ARMH3: variants seen among roughly 807,000 people sequenced by gnomAD.
ARMH3 encodes armadillo-like helical domain-containing protein 3.
In ARMH3, 60 loss-of-function variants were observed where a neutral mutation model predicts 99.1. The observed-to-expected ratio is 0.61, with a 90% CI of 0.49 to 0.75. The LOEUF (loss-of-function observed/expected upper bound fraction) is 0.75, where lower values mean the gene tolerates loss of function less well. Among genes scored for constraint, ARMH3 ranks in the 30% least tolerant of loss-of-function variants. The pLI is 0.00. For synonymous variants in ARMH3, 285 were observed against 292.8 expected (o/e 0.97, Z 0.27); for missense variants, 679 against 843.1 (o/e 0.81, Z 2.41).
chr10:102,017,102 T>C (rs945875145), intron 8 of ARMH3, among the ~76,000 whole-genome samples: 1 of 152,192 alleles, frequency 6.6e-6, no homozygotes, highest in Non-Finnish European at 1.5e-5. Context: ...GGTCATGAGA[T>C]TGATTGTACT....
rs190866551 is a variant in ARMH3 at position 101,871,863 on chromosome 10, T to C, written c.1860+17549A>G. Among the ~76,000 whole-genome samples, 635 of 152,036 alleles carry C rather than the reference T, an allele frequency of 4.2e-3. 7 individuals carry two copies. Among genetic ancestry groups the C allele is most frequent in the African/African-American group, 0.015 (603 of 41,430 alleles). ...TAAATATACAAAAATTAGCTGGGTG[T>C]GGTGGTGCACGCTTGTAATCCCAGC... On this transcript the variant is annotated intron_variant, in intron 24 of 25. Coordinates refer to ENST00000370033, the MANE Select transcript of ARMH3 (RefSeq NM_024541.3).
chr10:101,895,623 G>C (rs1244363691), intron 23 of ARMH3, among the ~76,000 whole-genome samples: 1 of 152,028 alleles, frequency 6.6e-6, no homozygotes, highest in African/African-American at 2.4e-5. Context: ...CATGACTTGA[G>C]GTCAGGCAGT....
rs556722397 is a variant in ARMH3, at chr10:101,872,396, C to A, written c.1860+17016G>T. 3.9e-5 allele frequency among the ~76,000 whole-genome samples: 6 copies of A among 152,092 alleles called. No homozygotes were observed. In the East Asian group the frequency reaches 1.2e-3, roughly 29 times the overall value. ...CTTCACAAAAGAAGATATATAATGG[C>A]CACATAAAAAGCTGCTCTAGCCGGG... On this transcript the variant is annotated intron_variant, in intron 24 of 25. Coordinates refer to ENST00000370033, the MANE Select transcript of ARMH3 (RefSeq NM_024541.3).
At chr10:102,030,066 G>A (rs187318779) in intron 4 of ARMH3, among the ~76,000 whole-genome samples, 2 of 152,058 alleles carry the variant, frequency 1.3e-5, no homozygotes, top group East Asian at 1.9e-4. Context: ...GATGACAGGT[G>A]TGCTCCACCA....
chr10:101,848,651 C>G (rs1219973359), intron 25 of ARMH3, among the ~76,000 whole-genome samples: 1 of 152,158 alleles, frequency 6.6e-6, no homozygotes, highest in African/African-American at 2.4e-5. Flanking sequence ...TAGCTCCAAA[C>G]TGGACCAGAC....
In ARMH3 at chr10:102,033,150, C is replaced by T. The variant is rs1193550928; in HGVS notation, c.182G>A (p.Gly61Asp). 4.3e-6 allele frequency: 7 copies of T among 1,614,206 alleles called. No homozygotes were observed. Among genetic ancestry groups the T allele is most frequent in the African/African-American group, 1.3e-5 (1 of 75,062 alleles). Residue 61 changes from glycine to aspartate, a missense_variant, in exon 4 of 26, where the codon GGC (glycine) becomes GAC (aspartate). By Grantham distance (94) the Gly-to-Asp change is moderately conservative. Coordinates refer to ENST00000370033, the MANE Select transcript of ARMH3 (RefSeq NM_024541.3). ...LMKVNLEYLE[G>D]KLESLDGEEL... Reference sequence around the variant, plus strand: ...CTCACCATCAAGAGATTCCAGCTTGCCTTCTAGGTACTCTAAATTCACCTG... The same window carrying T: ...CTCACCATCAAGAGATTCCAGCTTGTCTTCTAGGTACTCTAAATTCACCTG...
chr10:101,892,084 C>A (rs568596576), intron 23 of ARMH3, among the ~76,000 whole-genome samples: 1 of 152,040 alleles, frequency 6.6e-6, no homozygotes. Flanking sequence ...TGCACTCCAG[C>A]CTGGGTGACA....
chr10:101,940,898 C>A (rs928033850), intron 22 of ARMH3, among the ~76,000 whole-genome samples: 1 of 152,182 alleles, frequency 6.6e-6, no homozygotes, highest in Admixed American at 6.5e-5. Flanking sequence ...AGAGACAAAA[C>A]AGCACAAGTG....
chr10:102,006,840 T>C (rs2066502688), intron 13 of ARMH3, among the ~76,000 whole-genome samples: 1 of 152,044 alleles, frequency 6.6e-6, no homozygotes, highest in Admixed American at 6.6e-5. Context: ...GGACTACAGA[T>C]GCATGCCACT....
intron 24 of ARMH3, among the ~76,000 whole-genome samples, chr10:101,880,379 C>G (rs2067382097): frequency 6.6e-6 from 1 of 152,150 alleles, no homozygotes; most frequent in Non-Finnish European, 1.5e-5. Flanking sequence ...CTGGGGAAAA[C>G]TTTTACTTAG....
chr10:101,998,223 C>T (rs886071840), intron 15 of ARMH3, among the ~76,000 whole-genome samples: 1 of 152,170 alleles, frequency 6.6e-6, no homozygotes, highest in African/African-American at 2.4e-5. Flanking sequence ...TTCTAGGTCA[C>T]ATCCATGCAG....
At chr10:101,851,337 T>A (rs1051655838) in intron 24 of ARMH3, among the ~76,000 whole-genome samples, 21 of 151,998 alleles carry the variant, frequency 1.4e-4, no homozygotes, top group African/African-American at 5.1e-4. Context: ...AAATCAGAAG[T>A]GAGCTAGGAA....
chr10:101,938,210 G>A (rs777328098), intron 23 of ARMH3, among the ~76,000 whole-genome samples: 11 of 152,076 alleles, frequency 7.2e-5, no homozygotes, highest in Non-Finnish European at 1.5e-4. Flanking sequence ...TACTGAGTCC[G>A]GTTATTAGCA....
intron 24 of ARMH3, among the ~76,000 whole-genome samples, chr10:101,863,394 T>TC (rs1431667510): frequency 2.0e-5 from 3 of 152,064 alleles, no homozygotes; most frequent in Admixed American, 6.5e-5. Flanking sequence ...TTTCAAAACT[T>TC]TGAATGAAAC....
intron 15 of ARMH3, among the ~76,000 whole-genome samples, chr10:101,996,460 G>C (rs1847059944): frequency 6.6e-6 from 1 of 152,126 alleles, no homozygotes; most frequent in African/African-American, 2.4e-5. Flanking sequence ...AATGCAAAAA[G>C]AGTAATGGTG....
intron 15 of ARMH3, among the ~76,000 whole-genome samples, chr10:101,997,469 G>A (rs1159651559): frequency 1.3e-5 from 2 of 152,060 alleles, no homozygotes; most frequent in East Asian, 1.9e-4. Context: ...GCGCAAGCCT[G>A]TAATTCCAGC....
intron 1 of ARMH3, among the ~76,000 whole-genome samples, chr10:102,042,918 C>T (rs1220418329): frequency 6.6e-6 from 1 of 152,094 alleles, no homozygotes; most frequent in Non-Finnish European, 1.5e-5. Context: ...ACTAAAAATA[C>T]AAAATTAGCC....
At chr10:101,965,443 C>A (rs928939556) in intron 20 of ARMH3, among the ~76,000 whole-genome samples, 4 of 152,164 alleles carry the variant, frequency 2.6e-5, no homozygotes, top group Non-Finnish European at 5.9e-5. Flanking sequence ...TCAAAATGAA[C>A]CCCGGGCAGC....
chr10:102,052,955 C>G (rs2067742544), intron 1 of ARMH3, among the ~76,000 whole-genome samples: 1 of 152,030 alleles, frequency 6.6e-6, no homozygotes, highest in Non-Finnish European at 1.5e-5. Flanking sequence ...TCTACTTTTT[C>G]TAATCCATAT....
Sources: gnomAD v4.1 joint callset for allele counts (sites outside exome capture counted in the v4.1 genomes callset) on GRCh38, gnomAD v4.1.1 for gene constraint, MANE v1.5 for transcripts, NCBI Gene and HGNC (gene_info 2026-07-23, HGNC 2026-07-21) for gene names.